The following AP2B1 variants were observed in gnomAD, a reference collection of about 807,000 sequenced individuals.
The protein encoded by AP2B1 is adaptor related protein complex 2 subunit beta 1, also known as AP-2 complex subunit beta.
AP2B1 carries 23 observed loss-of-function variants against 102.0 expected under a neutral mutation model. The observed-to-expected ratio is 0.23, with a 90% CI of 0.16 to 0.32. The LOEUF is 0.32. Among genes scored for constraint, AP2B1 ranks in the 10% least tolerant of loss-of-function variants. AP2B1 has a pLI of 1.00. For synonymous variants in AP2B1, 381 were observed against 421.2 expected, an observed-to-expected ratio of 0.90 and a Z score of 1.17; for missense variants, 541 against 1,157.4, an observed-to-expected ratio of 0.47 and a Z score of 7.73.
At chr17:35,615,987 T>C (rs1485046231) in intron 5 of AP2B1, among the ~76,000 whole-genome samples, 1 of 152,200 alleles carries the variant, frequency 6.6e-6, no homozygotes. Flanking sequence ...CCAGTTGGTC[T>C]GAGTGTATTT....
chr17:35,720,674 G>A (rs1156636251), intron 21 of AP2B1, among the ~76,000 whole-genome samples: 2 of 141,554 alleles, frequency 1.4e-5, no homozygotes, highest in African/African-American at 2.7e-5. Context: ...CTCCCATCTC[G>A]GCCTCCCAAA....
intron 17 of AP2B1, among the ~76,000 whole-genome samples, chr17:35,677,253 G>T (rs2075722388): frequency 6.6e-6 from 1 of 152,168 alleles, no homozygotes; most frequent in African/African-American, 2.4e-5. Flanking sequence ...GCCTACCAAG[G>T]TATGGGAAAT....
At chr17:35,626,407 GTCT>G (rs1380712952) in intron 6 of AP2B1, among the ~76,000 whole-genome samples, 5 of 152,148 alleles carry the variant, frequency 3.3e-5, no homozygotes, top group East Asian at 1.9e-4. Flanking sequence ...GTTTCCTGAA[GTCT>G]TCTTATGTCC....
intron 21 of AP2B1, among the ~76,000 whole-genome samples, chr17:35,722,220 G>C (rs1181758340): frequency 1.3e-5 from 2 of 152,134 alleles, no homozygotes; most frequent in Non-Finnish European, 2.9e-5. Context: ...CTCCAGCCTG[G>C]GTGACAGAGC....
chr17:35,621,373 C>T, intron 5 of AP2B1: 1 of 981,150 alleles, frequency 1.0e-6, no homozygotes, highest in African/African-American at 1.7e-5. Flanking sequence ...GGTGAGCCTG[C>T]CTCAGTATGT....
intron 14 of AP2B1, among the ~76,000 whole-genome samples, chr17:35,670,037 G>A (rs2075553947): frequency 6.6e-6 from 1 of 152,200 alleles, no homozygotes. Flanking sequence ...ACCGACTTCA[G>A]AGTGAATTAT....
Position 35,619,627 on chromosome 17 carries a change from GTT to G in AP2B1, c.526-4768_526-4767del, listed in dbSNP as rs2074118082. 2.0e-5 allele frequency among the ~76,000 whole-genome samples: 3 copies of G among 152,058 alleles called. No individual in the cohort carries two copies. The South Asian group carries it at 6.2e-4, about 32-fold the overall frequency. On this transcript the variant is annotated intron_variant, in intron 5 of 21. Transcript: ENST00000610402. ...CTACATGTGCTGCTTTTATATATAT[GTT>G]TGTGTTTAATATCTATCTCTGTAAA...
intron 18 of AP2B1, among the ~76,000 whole-genome samples, chr17:35,696,901 G>A (rs1029267702): frequency 2.6e-5 from 4 of 152,154 alleles, no homozygotes; most frequent in African/African-American, 7.2e-5. Flanking sequence ...CCCAGGGCCT[G>A]GAACGATGTC....
intron 16 of AP2B1, 34 bp from the exon 17 acceptor site, chr17:35,674,142 G>A: frequency 6.3e-7 from 1 of 1,587,026 alleles, no homozygotes; most frequent in Non-Finnish European, 8.6e-7. Flanking sequence ...GATAAATCTT[G>A]TCTGATTCTA....
intron 14 of AP2B1, among the ~76,000 whole-genome samples, chr17:35,658,892 T>G (rs1309920338): frequency 6.6e-6 from 1 of 152,174 alleles, no homozygotes; most frequent in Non-Finnish European, 1.5e-5. Context: ...AGGGTTATAG[T>G]CATATCTCTG....
intron 5 of AP2B1, among the ~76,000 whole-genome samples, chr17:35,611,842 C>G (rs2073875388): frequency 6.6e-6 from 1 of 152,168 alleles, no homozygotes; most frequent in Non-Finnish European, 1.5e-5. Flanking sequence ...AAAATTTAAG[C>G]AGGCAGCACA....
At chr17:35,631,863 AAT>A (rs762245669) in intron 9 of AP2B1, among the ~76,000 whole-genome samples, 2 of 152,076 alleles carry the variant, frequency 1.3e-5, no homozygotes, top group Non-Finnish European at 2.9e-5. Context: ...ACCTTTTTCC[AAT>A]ATGTTATCTT....
chr17:35,697,582 G>A (rs2076164273), intron 18 of AP2B1, among the ~76,000 whole-genome samples: 1 of 152,184 alleles, frequency 6.6e-6, no homozygotes, highest in South Asian at 2.1e-4. Context: ...AAATGGTGCT[G>A]AGCAAGCCCT....
At chr17:35,631,306 T>G (rs2074454012) in intron 9 of AP2B1, among the ~76,000 whole-genome samples, 1 of 152,112 alleles carries the variant, frequency 6.6e-6, no homozygotes, top group Admixed American at 6.5e-5. Context: ...TGTCATTTCT[T>G]AAAGACAAAA....
At chr17:35,664,285 G>A (rs1299454481) in intron 14 of AP2B1, among the ~76,000 whole-genome samples, 2 of 152,008 alleles carry the variant, frequency 1.3e-5, no homozygotes, top group Non-Finnish European at 2.9e-5. Flanking sequence ...ACAAGGTCTC[G>A]CTTTGTCACC....
At chr17:35,604,796 T>G (rs2073612405) in intron 3 of AP2B1, among the ~76,000 whole-genome samples, 1 of 152,118 alleles carries the variant, frequency 6.6e-6, no homozygotes, top group East Asian at 1.9e-4. Context: ...CACATTAAAA[T>G]ATTATAGATG....
At chr17:35,610,179 C>T (rs1324642586) in intron 5 of AP2B1, among the ~76,000 whole-genome samples, 1 of 150,452 alleles carries the variant, frequency 6.6e-6, no homozygotes, top group Non-Finnish European at 1.5e-5. Flanking sequence ...GAGTGTCACT[C>T]TGTCGCCCAG....
At chr17:35,660,019 A>G (rs2075322472) in intron 14 of AP2B1, 6 of 985,372 alleles carry the variant, frequency 6.1e-6, no homozygotes, top group Non-Finnish European at 6.0e-6. Flanking sequence ...TTCTTATGCA[A>G]ATTACCTAAA....
At chr17:35,638,516 C>T (rs369556519) in intron 10 of AP2B1, among the ~76,000 whole-genome samples, 1 of 151,998 alleles carries the variant, frequency 6.6e-6, no homozygotes, top group African/African-American at 2.4e-5. Flanking sequence ...GGGCCAGGCG[C>T]GGTGGCTCAC....
Sources: allele counts gnomAD v4.1 joint callset (sites outside exome capture counted in the v4.1 genomes callset), GRCh38; gene constraint gnomAD v4.1.1; transcripts MANE v1.5; gene names NCBI Gene and HGNC (gene_info 2026-07-23, HGNC 2026-07-21).